The following CHMP3 variants were observed in gnomAD, a reference collection of about 807,000 sequenced individuals.
CHMP3 encodes the protein 25.1 protein.
A neutral mutation model predicts 27.4 loss-of-function variants in CHMP3; 8 were observed. The observed-to-expected ratio is 0.29, with a 90% CI of 0.17 to 0.53. The LOEUF (loss-of-function observed/expected upper bound fraction) is 0.53. Among genes scored for constraint, CHMP3 ranks in the 20% least tolerant of loss-of-function variants. CHMP3 has a pLI of 0.96. For synonymous variants in CHMP3, 86 were observed against 85.5 expected, an observed-to-expected ratio of 1.01 and a Z score of -0.03; for missense variants, 208 against 271.5, an observed-to-expected ratio of 0.77 and a Z score of 1.64.
At chr2:86,512,913 T>C (rs1233612928) in intron 3 of CHMP3, among the ~76,000 whole-genome samples, 1 of 152,236 alleles carries the variant, frequency 6.6e-6, no homozygotes, top group African/African-American at 2.4e-5. Context: ...GGAACTCTCA[T>C]TCATTACTGA....
At chr2:86,535,271 A>AAC in intron 2 of CHMP3, among the ~76,000 whole-genome samples, 1 of 151,808 alleles carries the variant, frequency 6.6e-6, no homozygotes, top group African/African-American at 2.4e-5. Flanking sequence ...AAAAAAAAAA[A>AAC]AAGGAATTAT....
chr2:86,508,229 C>T (rs2104739282), intron 4 of CHMP3, among the ~76,000 whole-genome samples: 1 of 152,284 alleles, frequency 6.6e-6, no homozygotes, highest in South Asian at 2.1e-4. Context: ...AAGTCCTGTG[C>T]CTGGCAGCCT....
intron 4 of CHMP3, among the ~76,000 whole-genome samples, chr2:86,510,124 T>G (rs1573236239): frequency 6.6e-6 from 1 of 152,174 alleles, no homozygotes; most frequent in East Asian, 1.9e-4. Flanking sequence ...CCACCTCCTC[T>G]AGAGCTCTGG....
At chr2:86,528,200 T>C (rs543546279) in intron 3 of CHMP3, among the ~76,000 whole-genome samples, 2 of 152,318 alleles carry the variant, frequency 1.3e-5, no homozygotes, top group African/African-American at 2.4e-5. Context: ...AATAATGCAT[T>C]AGAAACCCAT....
chr2:86,526,341 G>C (rs768069726), intron 3 of CHMP3, among the ~76,000 whole-genome samples: 5 of 152,090 alleles, frequency 3.3e-5, no homozygotes, highest in Non-Finnish European at 7.4e-5. Flanking sequence ...ATTAACACAA[G>C]ATAACATTTC....
intron 1 of CHMP3, among the ~76,000 whole-genome samples, chr2:86,552,804 G>A (rs12471953): frequency 0.045 from 6,852 of 152,140 alleles, 271 homozygotes; most frequent in East Asian, 0.14. Context: ...GAAAACACAG[G>A]GGGTAGAGAA....
At chr2:86,531,820 T>C (rs1198526389) in intron 2 of CHMP3, among the ~76,000 whole-genome samples, 1 of 152,226 alleles carries the variant, frequency 6.6e-6, no homozygotes, top group Non-Finnish European at 1.5e-5. Flanking sequence ...CATTCGTTTA[T>C]ATGTCTTTAT....
intron 2 of CHMP3, among the ~76,000 whole-genome samples, chr2:86,530,305 T>C (rs1675870583): frequency 6.6e-6 from 1 of 152,154 alleles, no homozygotes; most frequent in Admixed American, 6.5e-5. Flanking sequence ...GAACTCTTCA[T>C]CTTTCCCAAA....
chr2:86,522,436 A>G (rs1210375439), intron 3 of CHMP3, among the ~76,000 whole-genome samples: 1 of 152,210 alleles, frequency 6.6e-6, no homozygotes, highest in African/African-American at 2.4e-5. Context: ...AACCCTGTCT[A>G]GGAATCCTTC....
At chr2:86,536,983 C>T (rs182474056) in intron 2 of CHMP3, among the ~76,000 whole-genome samples, 1 of 152,038 alleles carries the variant, frequency 6.6e-6, no homozygotes, top group East Asian at 1.9e-4. Flanking sequence ...GCCTCAACTT[C>T]CTGGGTAGGT....
chr2:86,522,200 C>T (rs1259310928), intron 3 of CHMP3, among the ~76,000 whole-genome samples: 2 of 152,188 alleles, frequency 1.3e-5, no homozygotes, highest in Non-Finnish European at 2.9e-5. Flanking sequence ...AGAGGAATGA[C>T]TTTGTCAAAT....
intron 3 of CHMP3, chr2:86,511,382 G>A (rs775741641): frequency 3.5e-4 from 54 of 152,126 alleles, no homozygotes; most frequent in Non-Finnish European, 2.5e-4. Context: ...GCTAGTTGCA[G>A]AGAACACTTC....
At chr2:86,549,810 G>A (rs1265715441) in intron 1 of CHMP3, among the ~76,000 whole-genome samples, 15 of 137,148 alleles carry the variant, frequency 1.1e-4, no homozygotes, top group East Asian at 4.8e-4. Flanking sequence ...GGTGCTCCTC[G>A]CCTCCCAGGC....
intron 3 of CHMP3, among the ~76,000 whole-genome samples, chr2:86,523,530 C>T (rs1481912870): frequency 6.6e-6 from 1 of 152,100 alleles, no homozygotes; most frequent in African/African-American, 2.4e-5. Flanking sequence ...CAGAAGTATG[C>T]CTAGCACATA....
At chr2:86,529,486 T>C in intron 2 of CHMP3, 89 bp from the exon 3 acceptor site, 1 of 1,248,822 alleles carries the variant, frequency 8.0e-7, no homozygotes, top group Non-Finnish European at 1.1e-6. Context: ...AATGTATCTA[T>C]TAAATAGAAA....
chr2:86,503,822 A>G lies in CHMP3; in HGVS notation c.*1982T>C, dbSNP rs1205541849. On this transcript the variant is annotated 3_prime_UTR_variant, in exon 6 of 6. Transcript: ENST00000263856. Reference sequence around the variant, plus strand: ...AGGAACATGGATGGGGCTGGAGGCCATTATCCTTAACAAACTAACATAGGA... The same window carrying G: ...AGGAACATGGATGGGGCTGGAGGCCGTTATCCTTAACAAACTAACATAGGA... 1.3e-5 allele frequency: 2 copies of G among 152,258 alleles called. No homozygotes were observed. The highest frequency in any genetic ancestry group is 4.8e-5 in the African/African-American group (2 of 41,464). 9.4% of individuals were successfully genotyped at this position (152,258 alleles called of 1,614,324 possible).
intron 2 of CHMP3, 51 bp from the exon 3 acceptor site, chr2:86,529,448 C>T: frequency 2.0e-6 from 3 of 1,485,026 alleles, no homozygotes; most frequent in Non-Finnish European, 9.0e-7. Context: ...GGTTTATTGG[C>T]ACTCAAATAC....
At chr2:86,538,258 G>A (rs1014249503) in intron 2 of CHMP3, among the ~76,000 whole-genome samples, 3 of 152,164 alleles carry the variant, frequency 2.0e-5, no homozygotes, top group Non-Finnish European at 2.9e-5. Flanking sequence ...TGGTTACCAG[G>A]GGCTGGGGGT....
intron 2 of CHMP3, among the ~76,000 whole-genome samples, chr2:86,532,220 T>C (rs1240028981): frequency 6.6e-6 from 1 of 152,230 alleles, no homozygotes; most frequent in Non-Finnish European, 1.5e-5. Flanking sequence ...CTATTGAGAA[T>C]GGGTTTTCTT....
Sources: gnomAD v4.1 joint callset for allele counts (sites outside exome capture counted in the v4.1 genomes callset) on GRCh38, gnomAD v4.1.1 for gene constraint, MANE v1.5 for transcripts, NCBI Gene and HGNC (gene_info 2026-07-23, HGNC 2026-07-21) for gene names.